The following SLC28A1 variants were observed in gnomAD, a reference collection of about 807,000 sequenced individuals.
SLC28A1 encodes sodium/nucleoside cotransporter 1.
SLC28A1 carries 64 observed loss-of-function variants against 74.8 expected under a neutral mutation model. The ratio of observed to expected loss-of-function variants is 0.86; its 90% CI spans 0.70 to 1.05. SLC28A1 has a LOEUF of 1.05. Among genes scored for constraint, SLC28A1 ranks in the 50% least tolerant of loss-of-function variants. The pLI, the probability that SLC28A1 is intolerant of heterozygous loss-of-function variation, is 0.00. For synonymous variants in SLC28A1, 359 were observed against 335.0 expected, an observed-to-expected ratio of 1.07 and a Z score of -0.78; for missense variants, 828 against 822.8, an observed-to-expected ratio of 1.01 and a Z score of -0.08.
chr15:84,920,871 G>A (rs1969745667), intron 10 of SLC28A1, 118 bp from the exon 11 acceptor site: 2 of 799,764 alleles, frequency 2.5e-6, no homozygotes, highest in South Asian at 2.7e-5. Context: ...TGTAGATGAA[G>A]GGGTCCTACA....
intron 5 of SLC28A1, among the ~76,000 whole-genome samples, chr15:84,892,977 A>G (rs545356359): frequency 1.3e-5 from 2 of 152,258 alleles, no homozygotes; most frequent in East Asian, 3.9e-4. Context: ...GATGAATAAA[A>G]TACTTCCAAA....
chr15:84,952,332 A>T, the SLC28A1 span, among the ~76,000 whole-genome samples: 1 of 152,150 alleles, frequency 6.6e-6, no homozygotes, highest in Non-Finnish European at 1.5e-5. Context: ...GGTGGGACTC[A>T]TTTCTCATCT....
At chr15:84,919,221 A>T (rs192209630) in intron 10 of SLC28A1, among the ~76,000 whole-genome samples, 3 of 152,318 alleles carry the variant, frequency 2.0e-5, no homozygotes, top group Admixed American at 2.0e-4. Context: ...TAAATGTCAG[A>T]TCCTGTGCTT....
intron 5 of SLC28A1, 39 bp downstream of exon 5, chr15:84,890,573 T>C: frequency 6.7e-7 from 1 of 1,488,352 alleles, no homozygotes; most frequent in South Asian, 1.2e-5. Flanking sequence ...ACACAATGAC[T>C]CCTGCCTCAG....
intron 9 of SLC28A1, among the ~76,000 whole-genome samples, chr15:84,910,694 C>A (rs1596280009): frequency 6.6e-6 from 1 of 152,196 alleles, no homozygotes; most frequent in South Asian, 2.1e-4. Flanking sequence ...TGCCATTGCA[C>A]TCCAGCCTGG....
downstream of SLC28A1, among the ~76,000 whole-genome samples, chr15:84,946,084 TC>T (rs377060526): frequency 0.078 from 2,085 of 26,724 alleles, 370 homozygotes; most frequent in Non-Finnish European, 0.11. Flanking sequence ...GTGTGTATGT[TC>T]ATATATATAT....
At chr15:84,915,077 C>G (rs1190254995) in intron 9 of SLC28A1, among the ~76,000 whole-genome samples, 1 of 152,180 alleles carries the variant, frequency 6.6e-6, no homozygotes, top group Non-Finnish European at 1.5e-5. Flanking sequence ...TCAGGATCCA[C>G]TGGACAAGCA....
the SLC28A1 span, among the ~76,000 whole-genome samples, chr15:84,975,254 C>T: frequency 6.6e-6 from 1 of 152,188 alleles, no homozygotes; most frequent in Non-Finnish European, 1.5e-5. Flanking sequence ...CAAATCTGGC[C>T]ACTTTAAAGA....
intron 9 of SLC28A1, among the ~76,000 whole-genome samples, chr15:84,910,067 C>A (rs568268904): frequency 2.0e-5 from 3 of 152,178 alleles, no homozygotes; most frequent in African/African-American, 2.4e-5. Context: ...CCCCTTGGAG[C>A]CTTAGCATCT....
rs2079174301 is a variant in SLC28A1 at position 84,945,552 on chromosome 15, GT to G, written c.*354del. On this transcript the variant is annotated 3_prime_UTR_variant, in exon 19 of 19. Coordinates refer to ENST00000394573, the MANE Select transcript of SLC28A1 (RefSeq NM_004213.5). ...GTCCCTCACATGCCCCTTCCCTTCT[GT>G]TGTGGGCTGCACACCAAAGCCTCCT... is the stretch of plus-strand genomic sequence containing the variant. 1 of 356,134 alleles carries G rather than the reference GT, an allele frequency of 2.8e-6. No individual in the cohort carries two copies. The highest frequency in any genetic ancestry group is 3.9e-5 in the Admixed American group (1 of 25,456). The allele number at this position is 356,134 out of a possible 1,614,324, so 22.1% of individuals were successfully genotyped here.
At chr15:84,961,059 C>T in the SLC28A1 span, among the ~76,000 whole-genome samples, 2 of 152,112 alleles carry the variant, frequency 1.3e-5, no homozygotes, top group African/African-American at 4.8e-5. Context: ...TGTCCTCGGG[C>T]AAGATAATTT....
downstream of SLC28A1, among the ~76,000 whole-genome samples, chr15:84,947,691 G>A (rs1239546550): frequency 6.6e-6 from 1 of 152,190 alleles, no homozygotes; most frequent in East Asian, 1.9e-4. Flanking sequence ...CATGGCAGAA[G>A]AGGCTAATGA....
At chr15:84,891,056 G>C (rs1965315681) in intron 5 of SLC28A1, among the ~76,000 whole-genome samples, 1 of 152,202 alleles carries the variant, frequency 6.6e-6, no homozygotes, top group Non-Finnish European at 1.5e-5. Context: ...GGCCCAGGAT[G>C]GGGAGTGGGT....
chr15:84,909,915 A>AC (rs1967881877), intron 9 of SLC28A1, among the ~76,000 whole-genome samples: 1 of 152,020 alleles, frequency 6.6e-6, no homozygotes, highest in Non-Finnish European at 1.5e-5. Flanking sequence ...GAGTCTCCCC[A>AC]CCCTGCTGGG....
At chr15:84,952,877 T>G in the SLC28A1 span, among the ~76,000 whole-genome samples, 2 of 152,136 alleles carry the variant, frequency 1.3e-5, no homozygotes, top group African/African-American at 4.8e-5. Flanking sequence ...AAAAAAATTT[T>G]TAATAATAAA....
At chr15:84,937,711 G>T (rs1972102899) in intron 15 of SLC28A1, among the ~76,000 whole-genome samples, 1 of 151,958 alleles carries the variant, frequency 6.6e-6, no homozygotes, top group African/African-American at 2.4e-5. Flanking sequence ...AGACCAGCCT[G>T]ACCAACATAG....
intron 4 of SLC28A1, among the ~76,000 whole-genome samples, chr15:84,889,764 C>CCTTCCTTCCTTCCTTCCTTCCTTCCTTT (rs1379413255): frequency 2.0e-5 from 1 of 49,444 alleles, no homozygotes; most frequent in African/African-American, 6.5e-5. Context: ...TTCCTTCCTT[C>CCTTCCTTCCTTCCTTCCTTCCTTCCTTT]CTTTTCTTTC....
In SLC28A1 at chr15:84,895,106, G is replaced by C. The variant is rs534654951; in HGVS notation, c.444G>C (p.Leu148=). 6.2e-5 allele frequency: 100 copies of C among 1,613,920 alleles called. No individual in the cohort carries two copies. The highest frequency in any genetic ancestry group is 8.2e-5 in the Non-Finnish European group (97 of 1,179,964). The change falls in exon 6 of 19, where the codon CTG becomes CTC. Residue 148 remains leucine, a synonymous_variant. Transcript: ENST00000394573. The part of the protein sequence containing the change: ...RFLKPQGHPR[L]LLWFKRGLAL... ...TCAAGCCTCAGGGCCATCCCCGCCT[G>C]CTGCTCTGGTTTAAGAGGTGAGTGA...
At chr15:84,922,145 A>G (rs1198771885) in intron 11 of SLC28A1, among the ~76,000 whole-genome samples, 1 of 151,984 alleles carries the variant, frequency 6.6e-6, no homozygotes, top group East Asian at 1.9e-4. Context: ...GCTCTTGTCC[A>G]TCCACACTCC....
Sources: allele counts gnomAD v4.1 joint callset (sites outside exome capture counted in the v4.1 genomes callset), GRCh38; gene constraint gnomAD v4.1.1; transcripts MANE v1.5; gene names NCBI Gene and HGNC (gene_info 2026-07-23, HGNC 2026-07-21).